NRXN1: variants seen among roughly 807,000 people sequenced by gnomAD.
The protein encoded by NRXN1 is neurexin-1.
NRXN1 carries 39 observed loss-of-function variants against 150.9 expected under a neutral mutation model. The ratio of observed to expected loss-of-function variants is 0.26; its 90% CI spans 0.20 to 0.34. The LOEUF (loss-of-function observed/expected upper bound fraction) is 0.34, where lower values mean the gene tolerates loss of function less well. Among genes scored for constraint, NRXN1 ranks in the 10% least tolerant of loss-of-function variants. NRXN1 has a pLI of 1.00. For missense variants in NRXN1, 1,815 were observed against 1,949.9 expected (o/e 0.93, Z 1.30); for synonymous variants, 924 against 757.0 (o/e 1.22, Z -3.62).
At chr2:50,020,815 C>G (rs1482089178) in intron 21 of NRXN1, among the ~76,000 whole-genome samples, 1 of 152,110 alleles carries the variant, frequency 6.6e-6, no homozygotes, top group Non-Finnish European at 1.5e-5. Flanking sequence ...TGTATAATTA[C>G]AGTAGTAAAA....
intron 5 of NRXN1, among the ~76,000 whole-genome samples, chr2:50,645,236 C>CAT (rs575155068): frequency 2.8e-4 from 43 of 151,904 alleles, no homozygotes; most frequent in African/African-American, 9.2e-4. Context: ...ATGTAAAATT[C>CAT]ATATATATTC....
At chr2:50,628,216 C>A (rs953019830) in intron 5 of NRXN1, among the ~76,000 whole-genome samples, 2 of 151,762 alleles carry the variant, frequency 1.3e-5, no homozygotes, top group Non-Finnish European at 3.0e-5. Context: ...AAACAGTTTG[C>A]AATTCACTAT....
intron 5 of NRXN1, chr2:50,656,429 T>C (rs764974960): frequency 1.3e-6 from 1 of 769,524 alleles, no homozygotes; most frequent in Non-Finnish European, 2.4e-6. Flanking sequence ...GTTTATAAAG[T>C]TCTAGAAGTA....
At chr2:50,372,242 C>T (rs2080081629) in intron 17 of NRXN1, among the ~76,000 whole-genome samples, 1 of 151,982 alleles carries the variant, frequency 6.6e-6, no homozygotes, top group African/African-American at 2.4e-5. Flanking sequence ...AAACAATGTT[C>T]TACTTGTGAT....
At chr2:50,156,222 G>A (rs1483619547) in intron 18 of NRXN1, among the ~76,000 whole-genome samples, 2 of 151,712 alleles carry the variant, frequency 1.3e-5, no homozygotes, top group East Asian at 3.9e-4. Flanking sequence ...TGAATGTGAA[G>A]ATACCCTGAA....
intron 18 of NRXN1, among the ~76,000 whole-genome samples, chr2:50,119,566 G>GA (rs35595009): frequency 0.046 from 6,307 of 136,758 alleles, 397 homozygotes; most frequent in African/African-American, 0.16. Context: ...CATTAAAAAA[G>GA]AAAAAAAAAA....
intron 5 of NRXN1, among the ~76,000 whole-genome samples, chr2:50,854,711 G>A (rs1056155386): frequency 2.0e-5 from 3 of 152,156 alleles, no homozygotes; most frequent in Admixed American, 6.6e-5. Flanking sequence ...TTCTGACAAC[G>A]TTAAGCGGTT....
At chr2:50,110,108 A>ATGTG (rs908075655) in intron 18 of NRXN1, among the ~76,000 whole-genome samples, 8 of 152,188 alleles carry the variant, frequency 5.3e-5, no homozygotes, top group African/African-American at 1.4e-4. Context: ...CCTAAGGCCA[A>ATGTG]TGTGTAATGC....
At chr2:50,882,675 A>G (rs1386972171) in intron 5 of NRXN1, among the ~76,000 whole-genome samples, 1 of 151,908 alleles carries the variant, frequency 6.6e-6, no homozygotes, top group Non-Finnish European at 1.5e-5. Flanking sequence ...AGTGTTCTCA[A>G]TTCCTGAGAA....
intron 18 of NRXN1, among the ~76,000 whole-genome samples, chr2:50,157,632 A>G (rs2059105056): frequency 6.6e-6 from 1 of 152,008 alleles, no homozygotes; most frequent in Non-Finnish European, 1.5e-5. Context: ...GCCATAGGGA[A>G]GGTGAAGCAG....
intron 18 of NRXN1, among the ~76,000 whole-genome samples, chr2:50,209,351 C>T (rs1363663612): frequency 2.0e-5 from 3 of 152,060 alleles, no homozygotes; most frequent in Non-Finnish European, 2.9e-5. Context: ...TAACAGTTAC[C>T]ATTTATGCAA....
intron 19 of NRXN1, among the ~76,000 whole-genome samples, chr2:50,065,769 C>G (rs1421890852): frequency 6.6e-6 from 1 of 152,052 alleles, no homozygotes; most frequent in African/African-American, 2.4e-5. Flanking sequence ...ATAAGAAAAG[C>G]CACAAGCATA....
intron 5 of NRXN1, among the ~76,000 whole-genome samples, chr2:50,774,957 T>A (rs574174405): frequency 6.6e-6 from 1 of 152,310 alleles, no homozygotes; most frequent in Non-Finnish European, 1.5e-5. Context: ...CATCTACTTA[T>A]TCATACTGAT....
chr2:50,322,052 A>C (rs1015283591), intron 17 of NRXN1, among the ~76,000 whole-genome samples: 12 of 141,264 alleles, frequency 8.5e-5, no homozygotes, highest in Admixed American at 5.6e-4. Flanking sequence ...AAAAAAAAAA[A>C]CAGTCTGTCA....
intron 18 of NRXN1, among the ~76,000 whole-genome samples, chr2:50,101,760 C>A (rs896734302): frequency 1.3e-5 from 2 of 151,924 alleles, no homozygotes; most frequent in African/African-American, 4.8e-5. Context: ...GGAAGGAGCA[C>A]TATTTTTTTA....
intron 18 of NRXN1, among the ~76,000 whole-genome samples, chr2:50,093,055 G>A (rs1037798532): frequency 1.3e-5 from 2 of 151,922 alleles, no homozygotes; most frequent in Non-Finnish European, 2.9e-5. Flanking sequence ...TACTGAAAAT[G>A]AGCAAAAAGT....
intron 8 of NRXN1, among the ~76,000 whole-genome samples, chr2:50,577,581 C>CA (rs1671625684): frequency 6.6e-6 from 1 of 152,064 alleles, no homozygotes. Context: ...CCAAGGTTAA[C>CA]ACCGTGTAAA....
rs140068605 is a variant in NRXN1, at chr2:50,083,289, T to A, written c.3718+8034A>T. Among the ~76,000 whole-genome samples the A allele has an allele frequency of 2.6e-3, 390 of 152,342 alleles. 1 individual carries two copies. Among genetic ancestry groups the A allele is most frequent in the African/African-American group, 9.0e-3 (375 of 41,580 alleles). ...GTTGATATAATATCCTTTACTTCTG[T>A]TTTACCACAACTCTTAGAAAACATC... is the stretch of plus-strand genomic sequence containing the variant. On this transcript the variant is annotated intron_variant, in intron 19 of 22. Transcript: ENST00000401669.
intron 5 of NRXN1, among the ~76,000 whole-genome samples, chr2:50,889,988 T>C (rs1371426339): frequency 6.6e-6 from 1 of 151,684 alleles, no homozygotes; most frequent in African/African-American, 2.4e-5. Context: ...GTATTTAAAA[T>C]ATTTTTAATA....
Sources: gnomAD v4.1 joint callset for allele counts (sites outside exome capture counted in the v4.1 genomes callset) on GRCh38, gnomAD v4.1.1 for gene constraint, MANE v1.5 for transcripts, NCBI Gene and HGNC (gene_info 2026-07-23, HGNC 2026-07-21) for gene names.